The following PTPRG variants were observed in gnomAD, a reference collection of about 807,000 sequenced individuals.
PTPRG encodes the protein receptor-type tyrosine-protein phosphatase gamma.
PTPRG carries 102 observed loss-of-function variants against 165.3 expected under a neutral mutation model. That is an observed-to-expected ratio of 0.62 (90% CI 0.53 to 0.73). The LOEUF (loss-of-function observed/expected upper bound fraction) is 0.73. Ranked by LOEUF, PTPRG falls within the 30% of genes least tolerant of loss-of-function variation. The pLI is 0.00. For synonymous variants in PTPRG, 675 were observed against 669.5 expected (o/e 1.01, Z -0.13); for missense variants, 1,866 against 1,861.4 (o/e 1.00, Z -0.05).
chr3:62,146,185 T>C (rs964092195), intron 6 of PTPRG, among the ~76,000 whole-genome samples: 13 of 152,226 alleles, frequency 8.5e-5, no homozygotes, highest in Admixed American at 8.5e-4. Context: ...CTGCTATCTT[T>C]ATGTGCTTTC....
At chr3:61,630,913 A>G (rs1701756484) in intron 1 of PTPRG, among the ~76,000 whole-genome samples, 2 of 151,974 alleles carry the variant, frequency 1.3e-5, no homozygotes. Flanking sequence ...AAAATTAGCC[A>G]GGCGTTGTGG....
intron 2 of PTPRG, among the ~76,000 whole-genome samples, chr3:61,938,294 C>T (rs773518431): frequency 3.4e-5 from 5 of 146,064 alleles, no homozygotes; most frequent in African/African-American, 1.0e-4. Flanking sequence ...CCACATGATA[C>T]GGGTGTATAA....
intron 2 of PTPRG, among the ~76,000 whole-genome samples, chr3:61,945,805 A>G (rs954966918): frequency 4.6e-5 from 7 of 152,182 alleles, no homozygotes; most frequent in Non-Finnish European, 8.8e-5. Context: ...GAGAACTCTG[A>G]ATATAAAATG....
chr3:62,100,157 C>T (rs529326130), intron 5 of PTPRG, among the ~76,000 whole-genome samples: 10 of 151,878 alleles, frequency 6.6e-5, no homozygotes, highest in African/African-American at 2.4e-4. Flanking sequence ...GAATTTGAAC[C>T]CCCGAACTCA....
intron 1 of PTPRG, among the ~76,000 whole-genome samples, chr3:61,715,872 T>G (rs2031781280): frequency 6.6e-6 from 1 of 151,300 alleles, no homozygotes; most frequent in Non-Finnish European, 1.5e-5. Context: ...TTTTTTTTGG[T>G]CCTTAAATCT....
At chr3:62,098,813 C>T (rs1702197663) in intron 5 of PTPRG, among the ~76,000 whole-genome samples, 1 of 152,112 alleles carries the variant, frequency 6.6e-6, no homozygotes. Context: ...TGGTATCTTC[C>T]AACCTTTCAT....
At chr3:62,202,125 G>A (rs1256162779) in intron 11 of PTPRG, among the ~76,000 whole-genome samples, 1 of 152,100 alleles carries the variant, frequency 6.6e-6, no homozygotes, top group Non-Finnish European at 1.5e-5. Flanking sequence ...TACAGATGAG[G>A]AAACCGAGGC....
chr3:61,795,070 G>A (rs1256238675), intron 2 of PTPRG, among the ~76,000 whole-genome samples: 1 of 152,134 alleles, frequency 6.6e-6, no homozygotes, highest in African/African-American at 2.4e-5. Flanking sequence ...AGTGTCAAGT[G>A]TCTCATTTAA....
At chr3:61,817,015 AT>A in intron 2 of PTPRG, among the ~76,000 whole-genome samples, 1 of 108,348 alleles carries the variant, frequency 9.2e-6, no homozygotes, top group East Asian at 2.7e-4. Context: ...ATAAATATAT[AT>A]ACTATATAAT....
chr3:61,630,917 G>A (rs1040935764), intron 1 of PTPRG, among the ~76,000 whole-genome samples: 14 of 151,974 alleles, frequency 9.2e-5, no homozygotes, highest in African/African-American at 2.2e-4. Context: ...TTAGCCAGGC[G>A]TTGTGGCACG....
intron 1 of PTPRG, among the ~76,000 whole-genome samples, chr3:61,683,434 G>GTT (rs71720900): frequency 2.0e-5 from 3 of 152,094 alleles, no homozygotes; most frequent in East Asian, 1.9e-4. Context: ...TCAAGGATGT[G>GTT]TTTTTTTCCC....
chr3:62,185,472 G>A (rs1006456118), intron 8 of PTPRG, among the ~76,000 whole-genome samples: 5 of 152,294 alleles, frequency 3.3e-5, no homozygotes, highest in Admixed American at 1.3e-4. Flanking sequence ...GTGTGCCCTC[G>A]AGAGTGCTCC....
intron 5 of PTPRG, among the ~76,000 whole-genome samples, chr3:62,122,204 C>T (rs1465851519): frequency 6.6e-6 from 1 of 152,180 alleles, no homozygotes; most frequent in African/African-American, 2.4e-5. Context: ...TTAACAGTAG[C>T]TCCCTAAAAA....
chr3:62,078,350 T>C, intron 5 of PTPRG, 92 bp downstream of exon 5: 1 of 798,448 alleles, frequency 1.3e-6, no homozygotes, highest in Non-Finnish European at 2.0e-6. Flanking sequence ...ATGCATCTGT[T>C]TTCTAGTTCA....
chr3:62,064,457 T>C (rs867339485), intron 4 of PTPRG, among the ~76,000 whole-genome samples: 3 of 151,710 alleles, frequency 2.0e-5, no homozygotes, highest in Admixed American at 6.6e-5. Context: ...TCTGAAGCAA[T>C]CCTCCTGCTT....
rs1229567823 is a variant in PTPRG at position 62,188,764 on chromosome 3, G to A, written c.1034-2705G>A. 2.0e-5 allele frequency among the ~76,000 whole-genome samples: 3 copies of A among 152,082 alleles called. No homozygotes were observed. The East Asian group carries it at 5.8e-4, about 29-fold the overall frequency. On this transcript the variant is annotated intron_variant, in intron 8 of 29. Transcript: ENST00000474889. Reference sequence around the variant, plus strand: ...AGTGTTCATTGCTATTTGGAGCAGGGGAATGAATGCTTTCAGAATGAGGAA... The same window carrying A: ...AGTGTTCATTGCTATTTGGAGCAGGAGAATGAATGCTTTCAGAATGAGGAA...
intron 1 of PTPRG, among the ~76,000 whole-genome samples, chr3:61,618,694 GC>G: frequency 6.6e-6 from 1 of 152,182 alleles, no homozygotes; most frequent in Admixed American, 6.5e-5. Flanking sequence ...TTTTCTTAAG[GC>G]CTTTTTAAAC....
intron 5 of PTPRG, among the ~76,000 whole-genome samples, chr3:62,078,472 G>C (rs1701464212): frequency 6.6e-6 from 1 of 152,020 alleles, no homozygotes; most frequent in Admixed American, 6.6e-5. Context: ...TGATTTTATT[G>C]CTACTTGACT....
intron 2 of PTPRG, among the ~76,000 whole-genome samples, chr3:61,970,679 A>T (rs2040362417): frequency 1.1e-5 from 1 of 91,214 alleles, no homozygotes; most frequent in African/African-American, 5.4e-5. Flanking sequence ...GATGTTCAGA[A>T]TTTATTTGAA....
Sources: allele counts gnomAD v4.1 joint callset (sites outside exome capture counted in the v4.1 genomes callset), GRCh38; gene constraint gnomAD v4.1.1; transcripts MANE v1.5; gene names NCBI Gene and HGNC (gene_info 2026-07-23, HGNC 2026-07-21).